ARSB: variants seen among roughly 807,000 people sequenced by gnomAD.
ARSB encodes arylsulfatase B.
A neutral mutation model predicts 50.9 loss-of-function variants in ARSB; 41 were observed. That is an observed-to-expected ratio of 0.81 (90% CI 0.63 to 1.04). The LOEUF (loss-of-function observed/expected upper bound fraction) is 1.04, where lower values mean the gene tolerates loss of function less well. Ranked by LOEUF, ARSB falls within the 50% of genes least tolerant of loss-of-function variation. ARSB has a pLI of 0.00. For missense variants in ARSB, 672 were observed against 693.3 expected, an observed-to-expected ratio of 0.97 and a Z score of 0.35; for synonymous variants, 269 against 284.8, an observed-to-expected ratio of 0.94 and a Z score of 0.56.
chr5:78,970,174 G>C (rs1752391022), intron 1 of ARSB, among the ~76,000 whole-genome samples: 1 of 143,526 alleles, frequency 7.0e-6, no homozygotes, highest in Non-Finnish European at 1.6e-5. Context: ...TATTAAAATA[G>C]CCCTCCCTTT....
chr5:78,796,198 A>G (rs1743171971), intron 6 of ARSB, among the ~76,000 whole-genome samples: 1 of 152,264 alleles, frequency 6.6e-6, no homozygotes. Flanking sequence ...TGAAAAAATA[A>G]CTTATTTCAT....
At chr5:78,959,649 G>C (rs553109307) in intron 3 of ARSB, among the ~76,000 whole-genome samples, 47 of 152,082 alleles carry the variant, frequency 3.1e-4, no homozygotes, top group Non-Finnish European at 1.0e-4. Flanking sequence ...AAGAGGTCAG[G>C]ACTGATGCAC....
intron 4 of ARSB, among the ~76,000 whole-genome samples, chr5:78,916,438 T>G (rs912431564): frequency 6.6e-5 from 10 of 152,188 alleles, no homozygotes; most frequent in African/African-American, 2.2e-4. Flanking sequence ...AACACTAAAC[T>G]TGCCTGTCTT....
At chr5:78,834,625 A>ATATATG (rs1366038623) in intron 6 of ARSB, among the ~76,000 whole-genome samples, 2 of 128,022 alleles carry the variant, frequency 1.6e-5, no homozygotes, top group Non-Finnish European at 3.1e-5. Flanking sequence ...ATATATATAT[A>ATATATG]TATATATATA....
At chr5:78,879,828 C>T (rs922016560) in intron 5 of ARSB, among the ~76,000 whole-genome samples, 5 of 152,102 alleles carry the variant, frequency 3.3e-5, no homozygotes, top group South Asian at 2.1e-4. Context: ...TCATTAGGCT[C>T]GAGGCTGAAT....
intron 4 of ARSB, among the ~76,000 whole-genome samples, chr5:78,899,381 T>C (rs948588916): frequency 2.6e-5 from 4 of 152,226 alleles, no homozygotes; most frequent in Non-Finnish European, 5.9e-5. Context: ...TTTCAGTTCT[T>C]ATCCTTTTGA....
At chr5:78,900,061 G>C (rs548423525) in intron 4 of ARSB, among the ~76,000 whole-genome samples, 1 of 152,186 alleles carries the variant, frequency 6.6e-6, no homozygotes, top group East Asian at 1.9e-4. Flanking sequence ...AACGGTTGCA[G>C]TGCTGCCTGT....
chr5:78,983,604 A>T (rs1470017929), intron 1 of ARSB, among the ~76,000 whole-genome samples: 1 of 152,198 alleles, frequency 6.6e-6, no homozygotes, highest in African/African-American at 2.4e-5. Context: ...AATTACACGT[A>T]GCAGCCAAGG....
At chr5:78,845,930 G>A (rs1041803135) in intron 5 of ARSB, among the ~76,000 whole-genome samples, 1 of 152,022 alleles carries the variant, frequency 6.6e-6, no homozygotes, top group Non-Finnish European at 1.5e-5. Flanking sequence ...CTGTGCCTTT[G>A]AGGTCTTCTC....
intron 5 of ARSB, among the ~76,000 whole-genome samples, chr5:78,862,531 G>A (rs933881318): frequency 1.3e-5 from 2 of 152,144 alleles, no homozygotes; most frequent in Admixed American, 1.3e-4. Context: ...ATGGTGCTGG[G>A]AAAACTGGCT....
chr5:78,906,973 C>T (rs553277656), intron 4 of ARSB, among the ~76,000 whole-genome samples: 11 of 152,180 alleles, frequency 7.2e-5, no homozygotes, highest in South Asian at 6.2e-4. Flanking sequence ...GCTAGGTGCC[C>T]GCTACTCTGG....
intron 6 of ARSB, among the ~76,000 whole-genome samples, chr5:78,814,964 C>T (rs1343058154): frequency 6.7e-6 from 1 of 150,016 alleles, no homozygotes; most frequent in Non-Finnish European, 1.5e-5. Flanking sequence ...AGAATGGGTA[C>T]CAAGAAGTAT....
At chr5:78,859,941 G>A (rs1746346453) in intron 5 of ARSB, among the ~76,000 whole-genome samples, 1 of 152,094 alleles carries the variant, frequency 6.6e-6, no homozygotes, top group Admixed American at 6.5e-5. Flanking sequence ...TGTGAGTGTA[G>A]GATAGAAGCC....
At chr5:78,816,202 T>C in intron 6 of ARSB, 1 of 1,611,144 alleles carries the variant, frequency 6.2e-7, no homozygotes, top group Admixed American at 1.7e-5. Flanking sequence ...GTCCAGGAGA[T>C]TTCTTACAAT....
At chr5:78,901,974 T>A (rs1224049764) in intron 4 of ARSB, among the ~76,000 whole-genome samples, 2 of 152,240 alleles carry the variant, frequency 1.3e-5, no homozygotes, top group African/African-American at 4.8e-5. Context: ...GTCTTAGTCT[T>A]GTTTTCTGTT....
intron 1 of ARSB, among the ~76,000 whole-genome samples, chr5:78,980,755 T>TGTGTGTGTGTG (rs1561539912): frequency 6.6e-6 from 1 of 151,904 alleles, no homozygotes; most frequent in African/African-American, 2.4e-5. Flanking sequence ...TGTGTGTGTG[T>TGTGTGTGTGTG]TTTGGTAGAT....
rs1037775565 is a variant in ARSB at position 78,779,348 on chromosome 5, C to T, written c.*1049G>A. 6 of 152,198 alleles carry T rather than the reference C, an allele frequency of 3.9e-5. No individual in the cohort carries two copies. Among genetic ancestry groups the T allele is most frequent in the African/African-American group, 1.2e-4 (5 of 41,448 alleles). The allele number at this position is 152,198 out of a possible 1,614,324, so 9.4% of individuals were successfully genotyped here. A position where few individuals can be genotyped will look rare whatever the true frequency, so the allele number is the denominator to read the frequency against. ...GGCCCAGTATCCCAGACACTGGCCA[C>T]TTGCTTTTTCATATCCTTTCCTGAG... is the stretch of plus-strand genomic sequence containing the variant. On this transcript the variant is annotated 3_prime_UTR_variant, in exon 8 of 8. Coordinates refer to ENST00000264914, the MANE Select transcript of ARSB (RefSeq NM_000046.5).
chr5:78,920,816 C>G (rs1358436082), intron 4 of ARSB, among the ~76,000 whole-genome samples: 2 of 152,190 alleles, frequency 1.3e-5, no homozygotes, highest in African/African-American at 4.8e-5. Context: ...CAGAGGACAA[C>G]TGCTTCCTCT....
intron 4 of ARSB, among the ~76,000 whole-genome samples, chr5:78,900,638 C>G (rs1748761352): frequency 6.6e-6 from 1 of 152,104 alleles, no homozygotes; most frequent in African/African-American, 2.4e-5. Flanking sequence ...AATCTCAATG[C>G]TATATATTTG....
Sources: gnomAD v4.1 joint callset for allele counts (sites outside exome capture counted in the v4.1 genomes callset) on GRCh38, gnomAD v4.1.1 for gene constraint, MANE v1.5 for transcripts, NCBI Gene and HGNC (gene_info 2026-07-23, HGNC 2026-07-21) for gene names.